The following RBFOX2 variants were observed in gnomAD, a reference collection of about 807,000 sequenced individuals.
RBFOX2 encodes RNA binding protein fox-1 homolog 2.
A neutral mutation model predicts 49.1 loss-of-function variants in RBFOX2; 10 were observed. The observed-to-expected ratio is 0.20, with a 90% CI of 0.13 to 0.35. RBFOX2 has a LOEUF of 0.35. RBFOX2 is among the 10% of genes least tolerant of loss of function. The probability of loss-of-function intolerance (pLI) is 1.00; values close to 1 mark genes in which losing one functional copy is unlikely to be tolerated. For missense variants in RBFOX2, 323 were observed against 486.9 expected (o/e 0.66, Z 3.17); for synonymous variants, 183 against 187.4 (o/e 0.98, Z 0.19).
chr22:35,889,296 A>G (rs1413901544), intron 1 of RBFOX2, among the ~76,000 whole-genome samples: 1 of 152,140 alleles, frequency 6.6e-6, no homozygotes, highest in Non-Finnish European at 1.5e-5. Context: ...ACAATAGAGG[A>G]AAGCCTCTGT....
chr22:35,773,814 T>C (rs937319864), intron 4 of RBFOX2, among the ~76,000 whole-genome samples: 1 of 152,046 alleles, frequency 6.6e-6, no homozygotes, highest in Non-Finnish European at 1.5e-5. Flanking sequence ...TCACCAAAAA[T>C]TGTTATGTGG....
chr22:35,895,796 A>T (rs914515529), intron 1 of RBFOX2, among the ~76,000 whole-genome samples: 16 of 152,168 alleles, frequency 1.1e-4, no homozygotes, highest in Middle Eastern at 3.2e-3. Context: ...TCTACCAAAA[A>T]ATAGGTTTAA....
chr22:35,858,162 T>G (rs752793577), intron 1 of RBFOX2, among the ~76,000 whole-genome samples: 1 of 152,180 alleles, frequency 6.6e-6, no homozygotes, highest in Non-Finnish European at 1.5e-5. Context: ...GCATATAAAT[T>G]TTAACAAACT....
chr22:35,849,777 A>T (rs2041692372), intron 1 of RBFOX2, among the ~76,000 whole-genome samples: 1 of 152,214 alleles, frequency 6.6e-6, no homozygotes, highest in South Asian at 2.1e-4. Context: ...CAGCTGATGA[A>T]GTCGGAGCTT....
intron 1 of RBFOX2, among the ~76,000 whole-genome samples, chr22:35,971,808 C>A (rs1387107820): frequency 6.6e-6 from 1 of 150,926 alleles, no homozygotes; most frequent in Non-Finnish European, 1.5e-5. Flanking sequence ...CCTTCTTGGT[C>A]AGCCCCATCC....
At chr22:35,814,689 C>T (rs1172643299) in intron 1 of RBFOX2, among the ~76,000 whole-genome samples, 7 of 117,722 alleles carry the variant, frequency 5.9e-5, no homozygotes, top group East Asian at 2.5e-4. Context: ...CCAGCCTGGG[C>T]GACAGAGTGG....
chr22:35,857,167 C>T (rs1037196935), intron 1 of RBFOX2, among the ~76,000 whole-genome samples: 3 of 152,156 alleles, frequency 2.0e-5, no homozygotes, highest in Admixed American at 6.5e-5. Flanking sequence ...ACTAGGACAT[C>T]CTGCTACGTA....
chr22:35,775,286 A>C (rs136055), intron 4 of RBFOX2, among the ~76,000 whole-genome samples: 1 of 152,090 alleles, frequency 6.6e-6, no homozygotes, highest in East Asian at 1.9e-4. Flanking sequence ...AGAAAGCTTC[A>C]AAGGACAAAA....
At chr22:35,792,606 C>T (rs1301953263) in intron 2 of RBFOX2, among the ~76,000 whole-genome samples, 1 of 151,962 alleles carries the variant, frequency 6.6e-6, no homozygotes, top group Non-Finnish European at 1.5e-5. Context: ...TGCAAACAAC[C>T]GTAGGCGGAA....
At chr22:35,909,257 A>G (rs1286676052) in intron 1 of RBFOX2, among the ~76,000 whole-genome samples, 2 of 152,176 alleles carry the variant, frequency 1.3e-5, no homozygotes, top group African/African-American at 2.4e-5. Flanking sequence ...CAGGAATTTG[A>G]GACCAGCCTA....
At chr22:35,777,454 A>T (rs1944211364) in intron 4 of RBFOX2, among the ~76,000 whole-genome samples, 1 of 152,196 alleles carries the variant, frequency 6.6e-6, no homozygotes, top group Admixed American at 6.5e-5. Flanking sequence ...GATTTAGGTG[A>T]CTCTACATCC....
intron 1 of RBFOX2, chr22:35,897,449 C>T (rs1390624083): frequency 5.9e-6 from 5 of 845,822 alleles, no homozygotes; most frequent in Admixed American, 1.7e-5. Context: ...CCACTTTATC[C>T]CTTGTTGTCC....
intron 1 of RBFOX2, among the ~76,000 whole-genome samples, chr22:35,910,692 C>G (rs1266134785): frequency 1.3e-5 from 2 of 152,182 alleles, no homozygotes; most frequent in South Asian, 4.1e-4. Context: ...ATTTGTAATG[C>G]CAACTTATGT....
intron 1 of RBFOX2, among the ~76,000 whole-genome samples, chr22:35,957,579 C>T (rs2055717557): frequency 6.6e-6 from 1 of 152,208 alleles, no homozygotes; most frequent in African/African-American, 2.4e-5. Context: ...CAAGCACATC[C>T]TCCTACTCAT....
exon 12 of RBFOX2, chr22:35,743,429 CT>C (rs952182036): frequency 3.3e-5 from 5 of 152,214 alleles, no homozygotes; most frequent in Admixed American, 1.3e-4. Context: ...AAGAAATGAT[CT>C]TTTTCATACT....
chr22:35,948,600 G>C (rs1328350166), intron 1 of RBFOX2, among the ~76,000 whole-genome samples: 1 of 152,044 alleles, frequency 6.6e-6, no homozygotes, highest in African/African-American at 2.4e-5. Flanking sequence ...TGGGAGGATG[G>C]CTTGAGTCCA....
chr22:35,838,659 G>A (rs1440424669), intron 1 of RBFOX2, among the ~76,000 whole-genome samples: 2 of 152,162 alleles, frequency 1.3e-5, no homozygotes, highest in Non-Finnish European at 2.9e-5. Context: ...GGCTCTCATG[G>A]CACAGAGGTT....
intron 1 of RBFOX2, among the ~76,000 whole-genome samples, chr22:35,868,860 T>A (rs2044004065): frequency 6.6e-6 from 1 of 152,238 alleles, no homozygotes; most frequent in African/African-American, 2.4e-5. Context: ...CAATTCCTTC[T>A]TTAAGGTATT....
At chr22:35,834,205 T>C (rs1957257937) in intron 1 of RBFOX2, among the ~76,000 whole-genome samples, 1 of 152,226 alleles carries the variant, frequency 6.6e-6, no homozygotes, top group African/African-American at 2.4e-5. Flanking sequence ...AGTAGCTGTC[T>C]GAACTTGGGC....
Sources: gnomAD v4.1 joint callset for allele counts (sites outside exome capture counted in the v4.1 genomes callset) on GRCh38, gnomAD v4.1.1 for gene constraint, MANE v1.5 for transcripts, NCBI Gene and HGNC (gene_info 2026-07-23, HGNC 2026-07-21) for gene names.